The following FEM1C variants were observed in gnomAD, a reference collection of about 807,000 sequenced individuals.
The protein encoded by FEM1C is fem-1 homolog C, also known as protein fem-1 homolog C.
FEM1C carries 15 observed loss-of-function variants against 37.6 expected under a neutral mutation model. That is an observed-to-expected ratio of 0.40 (90% CI 0.27 to 0.61). The LOEUF (loss-of-function observed/expected upper bound fraction) is 0.61. FEM1C is among the 20% of genes least tolerant of loss of function. The pLI, the probability that FEM1C is intolerant of heterozygous loss-of-function variation, is 0.42. For synonymous variants in FEM1C, 287 were observed against 272.8 expected (o/e 1.05, Z -0.51); for missense variants, 532 against 749.7 (o/e 0.71, Z 3.39).
At chr5:115,530,687 T>C (rs1274722850) in intron 2 of FEM1C, among the ~76,000 whole-genome samples, 1 of 152,142 alleles carries the variant, frequency 6.6e-6, no homozygotes, top group East Asian at 1.9e-4. Flanking sequence ...AGTCCACTTA[T>C]GAATGAAGTC....
rs751477549 is a variant in FEM1C at position 115,525,082 on chromosome 5, T to C, written c.1080A>G (p.Leu360=). ...DSGNFKRCIN[L]WKYALDMQQS... is the part of the protein sequence containing the mutation. ...GCTGCATATCCAAAGCATACTTCCATAGGTTGATGCATCGTTTGAAATTTC... is the reference window on the plus strand; with the variant it reads ...GCTGCATATCCAAAGCATACTTCCACAGGTTGATGCATCGTTTGAAATTTC... The change falls in exon 3 of 3, where the codon CTA becomes CTG. Residue 360 remains leucine, a synonymous_variant. Coordinates refer to ENST00000274457, the MANE Select transcript of FEM1C (RefSeq NM_020177.3). 63 of 1,613,730 alleles carry C rather than the reference T, an allele frequency of 3.9e-5. No individual in the cohort carries two copies. The highest frequency in any genetic ancestry group is 4.5e-5 in the Non-Finnish European group (53 of 1,179,822).
At chr5:115,540,113 A>C (rs961315895) in intron 2 of FEM1C, among the ~76,000 whole-genome samples, 1 of 152,090 alleles carries the variant, frequency 6.6e-6, no homozygotes, top group East Asian at 1.9e-4. Flanking sequence ...GGGCTAAAAA[A>C]GTGGGGAAAA....
chr5:115,543,629 C>T lies in FEM1C; in HGVS notation c.-136G>A. ...GCACCCCAGAACGGATACACAACCACGAAGAGTATGTTCCGTCCTACTGCT... is the reference window on the plus strand; with the variant it reads ...GCACCCCAGAACGGATACACAACCATGAAGAGTATGTTCCGTCCTACTGCT... On this transcript the variant is annotated 5_prime_UTR_variant, in exon 2 of 3. In the 5' UTR this introduces an upstream ATG that the reference lacks. Coordinates refer to ENST00000274457, the MANE Select transcript of FEM1C (RefSeq NM_020177.3). 1 of 1,443,120 alleles carries T rather than the reference C, an allele frequency of 6.9e-7. No homozygotes were observed. The highest frequency in any genetic ancestry group is 2.4e-5 in the East Asian group (1 of 41,246). 89.4% of individuals were successfully genotyped at this position (1,443,120 alleles called of 1,614,324 possible).
intron 1 of FEM1C, 25 bp from the exon 2 acceptor site, chr5:115,543,708 A>C: frequency 1.5e-6 from 2 of 1,348,656 alleles, no homozygotes; most frequent in Non-Finnish European, 1.9e-6. Flanking sequence ...AAAAAGTAGC[A>C]GCATTTAATT....
intron 1 of FEM1C, chr5:115,544,115 A>C: frequency 1.0e-6 from 1 of 985,452 alleles, no homozygotes; most frequent in Non-Finnish European, 1.2e-6. Flanking sequence ...GTTTCGAGAA[A>C]GAACAAAAAG....
chr5:115,540,949 G>C (rs1446891350), intron 2 of FEM1C, among the ~76,000 whole-genome samples: 1 of 152,034 alleles, frequency 6.6e-6, no homozygotes, highest in African/African-American at 2.4e-5. Context: ...GCAGTAATTT[G>C]TTGTCTTAAA....
At chr5:115,537,599 G>A (rs1754155515) in intron 2 of FEM1C, among the ~76,000 whole-genome samples, 1 of 152,024 alleles carries the variant, frequency 6.6e-6, no homozygotes, top group East Asian at 1.9e-4. Context: ...ATACAAGAGG[G>A]AAAAGAATGA....
At chr5:115,530,932 T>G (rs1393656854) in intron 2 of FEM1C, among the ~76,000 whole-genome samples, 1 of 151,098 alleles carries the variant, frequency 6.6e-6, no homozygotes, top group African/African-American at 2.4e-5. Flanking sequence ...TTAGAGAAAG[T>G]AGAAGCAAAC....
Position 115,521,035 on chromosome 5 carries a change from T to C in FEM1C, c.*3273A>G, listed in dbSNP as rs995333917. The C allele has an allele frequency of 6.3e-5, 9 of 143,142 alleles. No individual in the cohort carries two copies. The highest frequency in any genetic ancestry group is 2.3e-4 in the African/African-American group (9 of 38,452). The allele number at this position is 143,142 out of a possible 1,614,324, so 8.9% of individuals were successfully genotyped here. A position where few individuals can be genotyped will look rare whatever the true frequency, so the allele number is the denominator to read the frequency against. The stretch of plus-strand genomic sequence containing the variant: ...TTTTGAAAAAATACACAATGGGAAC[T>C]GACAAAAGGGAGAGAAACTAGTTGT... On this transcript the variant is annotated 3_prime_UTR_variant, in exon 3 of 3. Transcript: ENST00000274457.
In FEM1C at chr5:115,543,325, C is replaced by T; in HGVS notation, c.169G>A (p.Val57Met). 6.2e-7 allele frequency: 1 copy of T among 1,614,192 alleles called. No individual in the cohort carries two copies. The highest frequency in any genetic ancestry group is 2.2e-5 in the East Asian group (1 of 44,890). Residue 57 changes from valine (V) to methionine (M), a missense_variant, in exon 2 of 3, where the codon GTG (valine) becomes ATG (methionine). Coordinates refer to ENST00000274457, the MANE Select transcript of FEM1C (RefSeq NM_020177.3). Reference sequence around the variant, plus strand: ...CTGCATTGCTCTAGGAGGAATTCCACCATGTCAAGGTGCCCATACCTGGCG... The same window carrying T: ...CTGCATTGCTCTAGGAGGAATTCCATCATGTCAAGGTGCCCATACCTGGCG... The part of the protein sequence containing the change: ...MAARYGHLDM[V>M]EFLLEQCSAS...
At chr5:115,540,776 G>C (rs1377773945) in intron 2 of FEM1C, among the ~76,000 whole-genome samples, 1 of 151,866 alleles carries the variant, frequency 6.6e-6, no homozygotes, top group African/African-American at 2.4e-5. Flanking sequence ...CAATAACATA[G>C]GCTTTTAAAA....
chr5:115,530,965 A>T (rs2127171180), intron 2 of FEM1C, among the ~76,000 whole-genome samples: 1 of 152,206 alleles, frequency 6.6e-6, no homozygotes, highest in Admixed American at 6.5e-5. Flanking sequence ...AAATTAATGA[A>T]AAAAGGGATA....
Position 115,543,469 on chromosome 5 carries a change from T to C in FEM1C, c.25A>G (p.Asn9Asp). ...CGGAGTTTGCCATCCCGAGCTGCGTTAAATACTGCTGTCTTTAGATCCATT... is the reference window on the plus strand; with the variant it reads ...CGGAGTTTGCCATCCCGAGCTGCGTCAAATACTGCTGTCTTTAGATCCATT... The part of the protein sequence containing the change: MDLKTAVF[N>D]AARDGKLRLL... The change falls in exon 2 of 3, where the codon AAC becomes GAC. Residue 9 changes from asparagine (N) to aspartate (D), a missense_variant. Physicochemically the swap from Asn to Asp is conservative, Grantham distance 23. Transcript: ENST00000274457. 6.2e-7 allele frequency: 1 copy of C among 1,612,548 alleles called. No individual in the cohort carries two copies. The highest frequency in any genetic ancestry group is 8.5e-7 in the Non-Finnish European group (1 of 1,179,558).
chr5:115,544,218 T>A (rs925462284), intron 1 of FEM1C: 124 of 978,004 alleles, frequency 1.3e-4, no homozygotes, highest in Non-Finnish European at 1.5e-4. Flanking sequence ...GAAATCCGCC[T>A]GCCTTTTAGT....
chr5:115,535,988 AT>A (rs1754117574), intron 2 of FEM1C, among the ~76,000 whole-genome samples: 1 of 152,044 alleles, frequency 6.6e-6, no homozygotes, highest in African/African-American at 2.4e-5. Flanking sequence ...ATGTGATTCC[AT>A]TTAAATTAAA....
chr5:115,526,098 C>A (rs1287774551), intron 2 of FEM1C, among the ~76,000 whole-genome samples: 2 of 151,892 alleles, frequency 1.3e-5, no homozygotes, highest in South Asian at 4.2e-4. Context: ...TGGGCTCAAG[C>A]AATGCTCCTG....
chr5:115,534,407 T>C (rs755560748), intron 2 of FEM1C, among the ~76,000 whole-genome samples: 6 of 151,906 alleles, frequency 3.9e-5, no homozygotes, highest in Non-Finnish European at 8.8e-5. Context: ...AACATAGCTG[T>C]ATTTTGAGGA....
chr5:115,543,275 G>T lies in FEM1C; in HGVS notation c.219C>A (p.Ser73=), dbSNP rs751149775. 8.1e-6 allele frequency: 13 copies of T among 1,613,992 alleles called. No homozygotes were observed. The highest frequency in any genetic ancestry group is 9.3e-6 in the Non-Finnish European group (11 of 1,180,026). The change falls in exon 2 of 3, where the codon TCC becomes TCA. Residue 73 remains serine, a synonymous_variant. Transcript: ENST00000274457. ...CAATGGTTTCGCCATCAAAATTGAC[G>T]GAGCCCCCAACTTCTATGGAGGCAC... ...QCSASIEVGG[S]VNFDGETIEG...
intron 1 of FEM1C, chr5:115,544,009 C>T: frequency 1.0e-6 from 1 of 985,368 alleles, no homozygotes; most frequent in Non-Finnish European, 1.2e-6. Context: ...AGAGTACAAC[C>T]GAAAGAGGCA....
Sources: allele counts gnomAD v4.1 joint callset (sites outside exome capture counted in the v4.1 genomes callset), GRCh38; gene constraint gnomAD v4.1.1; transcripts MANE v1.5; gene names NCBI Gene and HGNC (gene_info 2026-07-23, HGNC 2026-07-21).